Variants in TCERG1L observed in about 807,000 individuals in gnomAD.
TCERG1L encodes transcription elongation regulator 1-like protein.
TCERG1L carries 37 observed loss-of-function variants against 56.3 expected under a neutral mutation model. That is an observed-to-expected ratio of 0.66 (90% CI 0.51 to 0.87). TCERG1L has a LOEUF of 0.87. Among genes scored for constraint, TCERG1L ranks in the 40% least tolerant of loss-of-function variants. The probability of loss-of-function intolerance (pLI) is 0.00; values close to 1 mark genes in which losing one functional copy is unlikely to be tolerated. For missense variants in TCERG1L, 799 were observed against 774.2 expected, an observed-to-expected ratio of 1.03 and a Z score of -0.38; for synonymous variants, 324 against 326.3, an observed-to-expected ratio of 0.99 and a Z score of 0.08.
chr10:131,262,705 A>G (rs1041352178), intron 3 of TCERG1L, among the ~76,000 whole-genome samples: 1 of 152,058 alleles, frequency 6.6e-6, no homozygotes, highest in Admixed American at 6.5e-5. Context: ...TGTGCATCCT[A>G]TGGGTTTGGA....
chr10:131,095,936 T>C lies in TCERG1L; in HGVS notation c.1604+2370A>G, dbSNP rs918470147. Reference sequence around the variant, plus strand: ...TTCCGTTGTCTTCATGATGTATTCATGGGAAGGGGAGTATGTGGCTTATTG... The same window carrying C: ...TTCCGTTGTCTTCATGATGTATTCACGGGAAGGGGAGTATGTGGCTTATTG... On this transcript the variant is annotated intron_variant, in intron 11 of 11. Transcript: ENST00000368642. 5.3e-5 allele frequency among the ~76,000 whole-genome samples: 8 copies of C among 152,342 alleles called. No individual in the cohort carries two copies. The East Asian group carries it at 9.6e-4, about 18-fold the overall frequency.
At chr10:131,178,764 T>C (rs1302271727) in intron 4 of TCERG1L, among the ~76,000 whole-genome samples, 4 of 152,160 alleles carry the variant, frequency 2.6e-5, no homozygotes, top group Non-Finnish European at 4.4e-5. Flanking sequence ...CATCTGCCCG[T>C]TCTATGCGCT....
intron 6 of TCERG1L, among the ~76,000 whole-genome samples, chr10:131,150,468 C>A (rs993811969): frequency 5.3e-5 from 8 of 152,246 alleles, no homozygotes; most frequent in Non-Finnish European, 8.8e-5. Context: ...CAGGCTCAGA[C>A]TGGCTGAGTG....
At chr10:131,172,075 C>T (rs1004771444) in intron 4 of TCERG1L, among the ~76,000 whole-genome samples, 2 of 152,198 alleles carry the variant, frequency 1.3e-5, no homozygotes, top group African/African-American at 4.8e-5. Flanking sequence ...TTTCCTCATC[C>T]ATAAAAGAAA....
chr10:131,227,022 C>T (rs1023402839), intron 4 of TCERG1L, among the ~76,000 whole-genome samples: 4 of 152,278 alleles, frequency 2.6e-5, no homozygotes, highest in African/African-American at 4.8e-5. Context: ...CTCGCAGGCA[C>T]TCTCCAGCCC....
chr10:131,229,051 C>T (rs551415169), intron 4 of TCERG1L, among the ~76,000 whole-genome samples: 2 of 88,154 alleles, frequency 2.3e-5, no homozygotes, highest in Non-Finnish European at 4.6e-5. Context: ...CAAGGCCTCA[C>T]GAGTCTCCCC....
At chr10:131,130,556 G>C (rs1167165951) in intron 8 of TCERG1L, among the ~76,000 whole-genome samples, 1 of 152,194 alleles carries the variant, frequency 6.6e-6, no homozygotes, top group Non-Finnish European at 1.5e-5. Context: ...GATCTGCTCT[G>C]ACCCTCTCTT....
At chr10:131,169,378 G>A (rs1846065324) in intron 4 of TCERG1L, among the ~76,000 whole-genome samples, 1 of 152,064 alleles carries the variant, frequency 6.6e-6, no homozygotes, top group South Asian at 2.1e-4. Context: ...GAGGCACAAG[G>A]GGGCACACAA....
chr10:131,246,009 T>A (rs5004306), intron 4 of TCERG1L, among the ~76,000 whole-genome samples: 1 of 152,110 alleles, frequency 6.6e-6, no homozygotes, highest in Non-Finnish European at 1.5e-5. Context: ...GCCCCCCAAG[T>A]GTCGGGTCTT....
chr10:131,171,179 C>CAA lies in TCERG1L; in HGVS notation c.857-4296_857-4295dup, dbSNP rs761036607. 8.1e-5 allele frequency among the ~76,000 whole-genome samples: 8 copies of CAA among 98,614 alleles called. No homozygotes were observed. In the East Asian group the frequency reaches 9.1e-4, roughly 11 times the overall value. The allele number at this position is 98,614 out of a possible 152,430, so 64.7% of individuals were successfully genotyped here. A position where few individuals can be genotyped will look rare whatever the true frequency, so the allele number is the denominator to read the frequency against. ...CAAAAACAAAAACAAAAACACACAC[C>CAA]AAAAAAAAGAAGAAAGAAAAAAAGA... On this transcript the variant is annotated intron_variant, in intron 4 of 11. Transcript: ENST00000368642.
chr10:131,203,745 AT>A (rs1346869693), intron 4 of TCERG1L, among the ~76,000 whole-genome samples: 2 of 152,140 alleles, frequency 1.3e-5, no homozygotes, highest in African/African-American at 4.8e-5. Flanking sequence ...TTCTGCTCAC[AT>A]CCCGCCGGCG....
At chr10:131,174,001 G>T (rs1564807356) in intron 4 of TCERG1L, among the ~76,000 whole-genome samples, 1 of 152,208 alleles carries the variant, frequency 6.6e-6, no homozygotes, top group African/African-American at 2.4e-5. Flanking sequence ...CCCTCCCCCA[G>T]CAGGGCTTTT....
intron 3 of TCERG1L, among the ~76,000 whole-genome samples, chr10:131,299,340 T>C (rs1351205864): frequency 6.6e-6 from 1 of 152,168 alleles, no homozygotes; most frequent in East Asian, 1.9e-4. Context: ...TTTAAAATAT[T>C]TGTTCCAACT....
At chr10:131,104,926 C>T (rs1845337157) in intron 9 of TCERG1L, among the ~76,000 whole-genome samples, 1 of 152,278 alleles carries the variant, frequency 6.6e-6, no homozygotes, top group Non-Finnish European at 1.5e-5. Context: ...TTCGTCACCA[C>T]TAACCATGAC....
chr10:131,141,951 G>A (rs1300512097), intron 7 of TCERG1L, among the ~76,000 whole-genome samples: 4 of 152,070 alleles, frequency 2.6e-5, no homozygotes, highest in Non-Finnish European at 5.9e-5. Flanking sequence ...CCCTTGCACC[G>A]GCTGCCCTGC....
At chr10:131,269,128 CTTTT>C (rs1846312543) in intron 3 of TCERG1L, among the ~76,000 whole-genome samples, 1 of 152,188 alleles carries the variant, frequency 6.6e-6, no homozygotes, top group Non-Finnish European at 1.5e-5. Flanking sequence ...TGCCACTCTT[CTTTT>C]CATTTGAAAA....
intron 4 of TCERG1L, among the ~76,000 whole-genome samples, chr10:131,193,203 T>C (rs931976949): frequency 6.6e-6 from 1 of 152,106 alleles, no homozygotes; most frequent in African/African-American, 2.4e-5. Flanking sequence ...TTAATGAAAT[T>C]TATTGTTGTT....
intron 10 of TCERG1L, 117 bp from the exon 11 acceptor site, chr10:131,098,541 T>C: frequency 7.8e-7 from 1 of 1,288,006 alleles, no homozygotes; most frequent in East Asian, 2.5e-5. Flanking sequence ...CTGTTCTTGT[T>C]TACAGCTGCT....
intron 4 of TCERG1L, among the ~76,000 whole-genome samples, chr10:131,248,648 G>A (rs1846068847): frequency 1.3e-5 from 2 of 152,214 alleles, no homozygotes; most frequent in Non-Finnish European, 2.9e-5. Context: ...CAGGAACACA[G>A]GGAATGAGAG....
Sources: gnomAD v4.1 joint callset for allele counts (sites outside exome capture counted in the v4.1 genomes callset) on GRCh38, gnomAD v4.1.1 for gene constraint, MANE v1.5 for transcripts, NCBI Gene and HGNC (gene_info 2026-07-23, HGNC 2026-07-21) for gene names.